The following BMPR1B variants were observed in gnomAD, a reference collection of about 807,000 sequenced individuals.
BMPR1B encodes the protein bone morphogenetic protein receptor type 1B.
A neutral mutation model predicts 59.1 loss-of-function variants in BMPR1B; 12 were observed. The ratio of observed to expected loss-of-function variants is 0.20; its 90% CI spans 0.13 to 0.33. The LOEUF (loss-of-function observed/expected upper bound fraction) is 0.33, where lower values mean the gene tolerates loss of function less well. Ranked by LOEUF, BMPR1B falls within the 10% of genes least tolerant of loss-of-function variation. BMPR1B has a pLI of 1.00. For missense variants in BMPR1B, 550 were observed against 610.9 expected (o/e 0.90, Z 1.05); for synonymous variants, 237 against 207.3 (o/e 1.14, Z -1.23).
At chr4:95,036,922 A>T (rs777404845) in intron 3 of BMPR1B, among the ~76,000 whole-genome samples, 3 of 152,172 alleles carry the variant, frequency 2.0e-5, no homozygotes, top group Middle Eastern at 3.4e-3. Context: ...CCACGTTGTC[A>T]ACCCTAGATC....
chr4:95,132,940 C>A (rs1733477462), intron 10 of BMPR1B, among the ~76,000 whole-genome samples: 1 of 152,122 alleles, frequency 6.6e-6, no homozygotes, highest in African/African-American at 2.4e-5. Flanking sequence ...TCTCTGTACT[C>A]CAACTTCTCC....
intron 3 of BMPR1B, among the ~76,000 whole-genome samples, chr4:95,101,488 A>G (rs1395281705): frequency 6.6e-6 from 1 of 152,054 alleles, no homozygotes; most frequent in African/African-American, 2.4e-5. Flanking sequence ...TGCTATTTTA[A>G]TATCCCCTTC....
At chr4:95,123,940 A>G (rs1732719918) in intron 7 of BMPR1B, 34 bp downstream of exon 7, 1 of 1,431,828 alleles carries the variant, frequency 7.0e-7, no homozygotes. Context: ...AAAATTTTTA[A>G]TTTATAGTGT....
In BMPR1B at chr4:94,771,904, T is replaced by C. The variant is rs566130258; in HGVS notation, c.-183+13836T>C. Among the ~76,000 whole-genome samples, 15 of 152,300 alleles carry C rather than the reference T, an allele frequency of 9.8e-5. No homozygotes were observed. The South Asian group carries it at 1.9e-3, about 19-fold the overall frequency. On this transcript the variant is annotated intron_variant, in intron 1 of 12. Transcript: ENST00000515059. Reference sequence around the variant, plus strand: ...ATGATATTTTTAAACTTAAAAATTATTTTGAAGGAAGCACTGTGACATACA... The same window carrying C: ...ATGATATTTTTAAACTTAAAAATTACTTTGAAGGAAGCACTGTGACATACA...
chr4:95,024,745 A>G (rs760859927), intron 3 of BMPR1B, among the ~76,000 whole-genome samples: 2 of 152,200 alleles, frequency 1.3e-5, no homozygotes, highest in South Asian at 4.1e-4. Flanking sequence ...TGAGGAAAGT[A>G]AAATGAGGAA....
intron 2 of BMPR1B, among the ~76,000 whole-genome samples, chr4:94,967,426 A>G (rs1730594117): frequency 6.6e-6 from 1 of 151,864 alleles, no homozygotes; most frequent in Non-Finnish European, 1.5e-5. Context: ...CTTTTCTTCT[A>G]TTATAGATTT....
At chr4:95,086,408 TTA>T (rs1729580046) in intron 3 of BMPR1B, among the ~76,000 whole-genome samples, 1 of 152,216 alleles carries the variant, frequency 6.6e-6, no homozygotes, top group South Asian at 2.1e-4. Context: ...CCCATAGCCA[TTA>T]ATGCGAACCA....
intron 2 of BMPR1B, among the ~76,000 whole-genome samples, chr4:94,995,633 A>T (rs970880063): frequency 3.3e-5 from 5 of 152,154 alleles, no homozygotes; most frequent in Non-Finnish European, 7.3e-5. Context: ...ACTTTTCTCC[A>T]CCTACCTGAG....
chr4:94,792,052 C>T (rs1174028071), intron 1 of BMPR1B, among the ~76,000 whole-genome samples: 1 of 152,072 alleles, frequency 6.6e-6, no homozygotes, highest in Non-Finnish European at 1.5e-5. Flanking sequence ...AGTAGTTCCT[C>T]ATTTATCTGG....
At chr4:94,843,023 A>T (rs1394509876) in intron 1 of BMPR1B, among the ~76,000 whole-genome samples, 2 of 152,170 alleles carry the variant, frequency 1.3e-5, no homozygotes, top group African/African-American at 4.8e-5. Flanking sequence ...TTCAAGTCAT[A>T]ATAGGACATA....
In BMPR1B at chr4:94,796,619, A is replaced by G. The variant is rs115980392; in HGVS notation, c.-183+38551A>G. On this transcript the variant is annotated intron_variant, in intron 1 of 12. Transcript: ENST00000515059. ...GAGAAATTATTTAAGTATTTCTTGT[A>G]TATTTTTTAACCTCATTAAAGACAG... Among the ~76,000 whole-genome samples the G allele has an allele frequency of 5.5e-3, 837 of 152,120 alleles. 5 individuals are homozygous for G. The highest frequency in any genetic ancestry group is 0.019 in the African/African-American group (786 of 41,516).
chr4:95,037,550 A>G (rs1428953124), intron 3 of BMPR1B, among the ~76,000 whole-genome samples: 1 of 152,150 alleles, frequency 6.6e-6, no homozygotes, highest in Non-Finnish European at 1.5e-5. Context: ...GTATTTGTTC[A>G]GTATTCTTTT....
intron 1 of BMPR1B, among the ~76,000 whole-genome samples, chr4:94,808,382 AG>A (rs1560494812): frequency 6.6e-6 from 1 of 152,204 alleles, no homozygotes; most frequent in Non-Finnish European, 1.5e-5. Flanking sequence ...TTGATAATAT[AG>A]CAACATTACA....
rs189475100 is a variant in BMPR1B, at chr4:94,871,324, A to G, written c.-182-4507A>G. ...AGATATTAGTCTTGGTATGGTAAAAATATGGACATGTTTGGAACATGGAAC... is the reference window on the plus strand; with the variant it reads ...AGATATTAGTCTTGGTATGGTAAAAGTATGGACATGTTTGGAACATGGAAC... On this transcript the variant is annotated intron_variant, in intron 1 of 12. Coordinates refer to ENST00000515059, the MANE Select transcript of BMPR1B (RefSeq NM_001203.3). Among the ~76,000 whole-genome samples the G allele has an allele frequency of 3.1e-3, 469 of 152,334 alleles. 2 individuals carry two copies. The highest frequency in any genetic ancestry group is 4.7e-3 in the Non-Finnish European group (319 of 68,034).
At position 94,834,131 on chromosome 4, in the gene BMPR1B, C is replaced by G. The variant is rs537720106; in HGVS notation, c.-182-41700C>G. 2.6e-5 allele frequency among the ~76,000 whole-genome samples: 4 copies of G among 152,256 alleles called. No individual in the cohort carries two copies. The South Asian group carries it at 8.3e-4, about 32-fold the overall frequency. On this transcript the variant is annotated intron_variant, in intron 1 of 12. Coordinates refer to ENST00000515059, the MANE Select transcript of BMPR1B (RefSeq NM_001203.3). ...ATTTCCCATTATACCTGAGGACTTA[C>G]ATATTGTTGGCTTGAGCTGCTTTCC...
intron 4 of BMPR1B, 85 bp downstream of exon 4, chr4:95,104,652 A>G: frequency 3.9e-6 from 6 of 1,537,062 alleles, no homozygotes; most frequent in Non-Finnish European, 4.5e-6. Flanking sequence ...TGTTTCAAAG[A>G]ACACATTTTA....
chr4:95,128,911 A>C (rs1733095533), intron 8 of BMPR1B, among the ~76,000 whole-genome samples: 1 of 152,008 alleles, frequency 6.6e-6, no homozygotes, highest in South Asian at 2.1e-4. Context: ...CTTTGTTCTA[A>C]AGAATTCATT....
At chr4:94,950,686 T>A (rs1210873621) in intron 2 of BMPR1B, among the ~76,000 whole-genome samples, 1 of 152,216 alleles carries the variant, frequency 6.6e-6, no homozygotes, top group Non-Finnish European at 1.5e-5. Flanking sequence ...CTGTTTTGAT[T>A]ACTACAGCCC....
At chr4:94,969,430 G>A (rs943697672) in intron 2 of BMPR1B, among the ~76,000 whole-genome samples, 7 of 152,112 alleles carry the variant, frequency 4.6e-5, no homozygotes, top group African/African-American at 1.7e-4. Context: ...GCAATGGCTG[G>A]GCTAGTAGAT....
Sources: allele counts gnomAD v4.1 joint callset (sites outside exome capture counted in the v4.1 genomes callset), GRCh38; gene constraint gnomAD v4.1.1; transcripts MANE v1.5; gene names NCBI Gene and HGNC (gene_info 2026-07-23, HGNC 2026-07-21).